The following DNAH9 variants were observed in gnomAD, a reference collection of about 807,000 sequenced individuals.
DNAH9 encodes the protein dynein axonemal heavy chain 9.
In DNAH9, 345 loss-of-function variants were observed where a neutral mutation model predicts 471.6. That is an observed-to-expected ratio of 0.73 (90% confidence interval 0.67 to 0.80). DNAH9 has a LOEUF of 0.80. Among genes scored for constraint, DNAH9 ranks in the 30% least tolerant of loss-of-function variants. DNAH9 has a pLI of 0.00. For synonymous variants in DNAH9, 2,093 were observed against 2,123.6 expected, an observed-to-expected ratio of 0.99 and a Z score of 0.40; for missense variants, 5,407 against 5,609.2, an observed-to-expected ratio of 0.96 and a Z score of 1.15.
At chr17:11,631,347 C>T (rs2073061384) in intron 7 of DNAH9, among the ~76,000 whole-genome samples, 1 of 152,186 alleles carries the variant, frequency 6.6e-6, no homozygotes. Context: ...TGAGCACCTT[C>T]AGACATCCAG....
chr17:11,860,671 C>A (rs1174043759), intron 50 of DNAH9, among the ~76,000 whole-genome samples: 1 of 152,096 alleles, frequency 6.6e-6, no homozygotes, highest in East Asian at 1.9e-4. Context: ...AAGCGATTCT[C>A]CTGCCTCAGT....
At position 11,854,293 on chromosome 17, in the gene DNAH9, C is replaced by T; in HGVS notation, c.9798C>T (p.Cys3266=). Residue 3266 remains cysteine, a synonymous_variant, in exon 50 of 69, where the codon TGC becomes TGT. Coordinates refer to ENST00000262442, the MANE Select transcript of DNAH9 (RefSeq NM_001372.4). ...AATCCTATGCGGCTGCAGGCCTCTG[C>T]TCCTGGGTCATCAATATTGTGAGAT... ...ATKSYAAAGL[C]SWVINIVRFY... is the part of the protein sequence containing the mutation. 2 of 1,614,222 alleles carry T rather than the reference C, an allele frequency of 1.2e-6. No homozygotes were observed. The highest frequency in any genetic ancestry group is 1.7e-6 in the Non-Finnish European group (2 of 1,180,036).
Position 11,910,209 on chromosome 17 carries a change from C to T in DNAH9, c.11749+4400C>T, listed in dbSNP as rs1973747178. 3.3e-5 allele frequency among the ~76,000 whole-genome samples: 5 copies of T among 151,904 alleles called. No individual in the cohort carries two copies. The South Asian group carries it at 8.3e-4, about 25-fold the overall frequency. On this transcript the variant is annotated intron_variant, in intron 61 of 68. Transcript: ENST00000262442. ...GGCGGAGGTTGCAGTGAGCCAAGAT[C>T]ACACCACTGCACTCCAGCCTGGGTG... is the stretch of plus-strand genomic sequence containing the variant.
chr17:11,766,563 G>A (rs914528492), intron 36 of DNAH9, among the ~76,000 whole-genome samples: 9 of 152,192 alleles, frequency 5.9e-5, no homozygotes, highest in Admixed American at 4.6e-4. Context: ...AAGTCCTCAT[G>A]TCCTCCAGGT....
At position 11,626,216 on chromosome 17, in the gene DNAH9, A is replaced by T. The variant is rs1282780477; in HGVS notation, c.1351-3201A>T. On this transcript the variant is annotated intron_variant, in intron 6 of 68. Transcript: ENST00000262442. This position sits in a 1 kb window ranked among gnomAD's most constrained non-coding sequence, Gnocchi z 4.3. ...GTTTAGTACTGTGATGAATAAAAAT[A>T]GATATTTAAAAAATATCATTTAAAC... Among the ~76,000 whole-genome samples the T allele has an allele frequency of 6.6e-6, 1 of 152,256 alleles. No homozygotes were observed. The highest frequency in any genetic ancestry group is 1.5e-5 in the Non-Finnish European group (1 of 68,048).
intron 28 of DNAH9, among the ~76,000 whole-genome samples, chr17:11,738,511 A>G (rs916597138): frequency 3.2e-4 from 48 of 152,142 alleles, no homozygotes; most frequent in Admixed American, 1.3e-4. Context: ...CTCCCGAGTA[A>G]CTGGGATTAC....
intron 37 of DNAH9, among the ~76,000 whole-genome samples, chr17:11,768,905 G>A (rs373755926): frequency 9.3e-4 from 141 of 152,140 alleles, no homozygotes; most frequent in African/African-American, 3.0e-3. Context: ...TGGTAGAGGA[G>A]AGCGGGGAAG....
intron 50 of DNAH9, among the ~76,000 whole-genome samples, chr17:11,858,945 G>A (rs1219596463): frequency 3.3e-5 from 5 of 151,850 alleles, no homozygotes; most frequent in African/African-American, 1.2e-4. Context: ...TTAACCCGGC[G>A]TGGTGGTACA....
intron 19 of DNAH9, among the ~76,000 whole-genome samples, chr17:11,686,875 G>T (rs1287627702): frequency 6.6e-6 from 1 of 152,118 alleles, no homozygotes; most frequent in East Asian, 1.9e-4. Flanking sequence ...ACAGCATGTG[G>T]GCTTTTAGAA....
In DNAH9 at chr17:11,669,102, C is replaced by T. The variant is rs1276414798; in HGVS notation, c.2770C>T (p.Leu924=). ...ACTTACCCCAATATTTGAAGCACAA[C>T]TGAGTCTAGCCATCCCAGAGCTAGT... is the stretch of plus-strand genomic sequence containing the variant. ...AGLTPIFEAQ[L]SLAIPELVFY... is the part of the protein sequence containing the mutation. Residue 924 remains leucine, a synonymous_variant, in exon 16 of 69, where the codon CTG becomes TTG. Coordinates refer to ENST00000262442, the MANE Select transcript of DNAH9 (RefSeq NM_001372.4). 1.9e-6 allele frequency: 3 copies of T among 1,613,764 alleles called. No individual in the cohort carries two copies. The highest frequency in any genetic ancestry group is 4.5e-5 in the East Asian group (2 of 44,890).
At chr17:11,781,245 A>T in intron 39 of DNAH9, 71 bp downstream of exon 39, 1 of 1,510,254 alleles carries the variant, frequency 6.6e-7, no homozygotes, top group Non-Finnish European at 8.9e-7. Context: ...GCCAGTCTCT[A>T]TTCTGCCTGA....
chr17:11,881,712 G>T (rs1012323482), intron 55 of DNAH9, among the ~76,000 whole-genome samples: 5 of 152,080 alleles, frequency 3.3e-5, no homozygotes, highest in African/African-American at 9.7e-5. Context: ...TTCGAGACCA[G>T]CCTGGCCAAC....
At chr17:11,839,459 T>C (rs1970956253) in intron 49 of DNAH9, among the ~76,000 whole-genome samples, 3 of 150,832 alleles carry the variant, frequency 2.0e-5, no homozygotes, top group African/African-American at 7.3e-5. Flanking sequence ...GAGCTTGCAG[T>C]GAGCCGAGAT....
At chr17:11,798,889 T>G (rs1285846518) in intron 43 of DNAH9, among the ~76,000 whole-genome samples, 1 of 152,144 alleles carries the variant, frequency 6.6e-6, no homozygotes, top group East Asian at 1.9e-4. Context: ...ATGGCACATT[T>G]AAGTCCTTTC....
intron 50 of DNAH9, among the ~76,000 whole-genome samples, chr17:11,857,961 A>G (rs1447812719): frequency 6.6e-6 from 1 of 152,158 alleles, no homozygotes; most frequent in Non-Finnish European, 1.5e-5. Flanking sequence ...CTGCAGAACC[A>G]TGAGCCATGA....
chr17:11,654,380 T>TAAAAAAAAAAAAAAAAAAAAAA (rs1555557829), intron 14 of DNAH9, among the ~76,000 whole-genome samples: 1 of 110,494 alleles, frequency 9.1e-6, no homozygotes. Context: ...AAAAAAAAAG[T>TAAAAAAAAAAAAAAAAAAAAAA]TTAAAATCGA....
intron 52 of DNAH9, among the ~76,000 whole-genome samples, chr17:11,872,584 T>C (rs1344453530): frequency 6.6e-6 from 1 of 152,158 alleles, no homozygotes; most frequent in Non-Finnish European, 1.5e-5. Context: ...GGGATACCTT[T>C]GGCAAGTTCC....
rs754586309 is a variant in DNAH9, at chr17:11,745,056, T to G, written c.6371T>G (p.Leu2124Arg). Reference protein sequence around the residue: ...LVRKAIVDLKLQAEDNFVLKV... With the variant: ...LVRKAIVDLKRQAEDNFVLKV... ...AGGAAGGCGATAGTGGATCTGAAGCTCCAGGCTGAGGACAACTTTGTGCTC... is the reference window on the plus strand; with the variant it reads ...AGGAAGGCGATAGTGGATCTGAAGCGCCAGGCTGAGGACAACTTTGTGCTC... Residue 2124 changes from leucine to arginine, a missense_variant, in exon 31 of 69, where the codon CTC becomes CGC. Leu to Arg is a moderately radical substitution (Grantham distance 102). This residue lies in a region of DNAH9 where 4,636 missense variants were observed against 4,900.3 expected (regional missense o/e 0.95). Coordinates refer to ENST00000262442, the MANE Select transcript of DNAH9 (RefSeq NM_001372.4). 4.3e-6 allele frequency: 7 copies of G among 1,613,650 alleles called. No individual in the cohort carries two copies. The highest frequency in any genetic ancestry group is 1.6e-4 in the Middle Eastern group (1 of 6,084).
intron 45 of DNAH9, among the ~76,000 whole-genome samples, chr17:11,811,989 CAAAAAAAAAAAAAAAAAAAAAAA>C (rs869105187): frequency 6.6e-5 from 2 of 30,416 alleles, no homozygotes; most frequent in African/African-American, 1.6e-4. Flanking sequence ...GACTCTGTCT[CAAAAAAAAAAAAAAAAAAAAAAA>C]AAAAAAAAAA....
Sources: allele counts gnomAD v4.1 joint callset (sites outside exome capture counted in the v4.1 genomes callset), GRCh38; gene constraint gnomAD v4.1.1; regional missense constraint gnomAD v4.1.1; non-coding constraint Gnocchi (gnomAD v3.1); transcripts MANE v1.5; gene names NCBI Gene and HGNC (gene_info 2026-07-23, HGNC 2026-07-21).